The following SOX6 variants were observed in gnomAD, a reference collection of about 807,000 sequenced individuals.
SOX6 encodes transcription factor SOX-6.
Under a neutral mutation model 97.8 loss-of-function variants are expected in SOX6, and 11 were observed. The ratio of observed to expected loss-of-function variants is 0.11; its 90% confidence interval spans 0.07 to 0.19. The LOEUF (loss-of-function observed/expected upper bound fraction) is 0.19. Ranked by LOEUF, SOX6 falls within the 10% of genes least tolerant of loss-of-function variation. The pLI, the probability that SOX6 is intolerant of heterozygous loss-of-function variation, is 1.00. For missense variants in SOX6, 810 were observed against 1,039.5 expected, an observed-to-expected ratio of 0.78 and a Z score of 3.04; for synonymous variants, 360 against 371.4, an observed-to-expected ratio of 0.97 and a Z score of 0.35.
chr11:16,120,614 G>A (rs1458656110), intron 6 of SOX6, among the ~76,000 whole-genome samples: 4 of 150,570 alleles, frequency 2.7e-5, no homozygotes, highest in African/African-American at 9.8e-5. Flanking sequence ...ATACTTCAAT[G>A]AAAAGTTGGT....
At chr11:16,536,401 T>A (rs1162849548) in intron 4 of SOX6, among the ~76,000 whole-genome samples, 1 of 152,036 alleles carries the variant, frequency 6.6e-6, no homozygotes, top group African/African-American at 2.4e-5. Flanking sequence ...AGAAGATGGG[T>A]GATTTCTGCA....
At chr11:16,203,003 G>A (rs1851979751) in intron 4 of SOX6, among the ~76,000 whole-genome samples, 1 of 152,118 alleles carries the variant, frequency 6.6e-6, no homozygotes, top group Non-Finnish European at 1.5e-5. Flanking sequence ...GAATCTCTGA[G>A]TAAAGTTGTA....
chr11:16,308,566 G>C (rs1175893263), intron 3 of SOX6, among the ~76,000 whole-genome samples: 1 of 152,082 alleles, frequency 6.6e-6, no homozygotes, highest in African/African-American at 2.4e-5. Context: ...AGCTAATGTC[G>C]ACTGTTTGGC....
chr11:16,689,213 T>C (rs1399211246), intron 3 of SOX6, among the ~76,000 whole-genome samples: 1 of 152,186 alleles, frequency 6.6e-6, no homozygotes, highest in Non-Finnish European at 1.5e-5. Context: ...GGGGTACCCT[T>C]TGCAGATCTC....
chr11:16,665,713 T>C (rs918301555), intron 3 of SOX6, among the ~76,000 whole-genome samples: 2 of 152,128 alleles, frequency 1.3e-5, no homozygotes, highest in Admixed American at 1.3e-4. Context: ...AGGCAGGCAG[T>C]GGTTGCTGCA....
intron 4 of SOX6, among the ~76,000 whole-genome samples, chr11:16,191,108 G>GCTC (rs1851618012): frequency 6.6e-6 from 1 of 152,156 alleles, no homozygotes; most frequent in Non-Finnish European, 1.5e-5. Context: ...GTTAAGTTTT[G>GCTC]TTAAGGATGG....
intron 3 of SOX6, among the ~76,000 whole-genome samples, chr11:16,242,572 C>G (rs1853226227): frequency 6.6e-6 from 1 of 151,180 alleles, no homozygotes; most frequent in African/African-American, 2.4e-5. Context: ...TAAATTAGGA[C>G]TTTCTCAACA....
At chr11:16,188,041 T>C (rs954627921) in intron 4 of SOX6, among the ~76,000 whole-genome samples, 2 of 152,082 alleles carry the variant, frequency 1.3e-5, no homozygotes, top group African/African-American at 4.8e-5. Flanking sequence ...GAAAGCACCA[T>C]TACAATCCCA....
At chr11:16,107,131 A>G (rs974127328) in intron 7 of SOX6, among the ~76,000 whole-genome samples, 1 of 152,028 alleles carries the variant, frequency 6.6e-6, no homozygotes, top group Non-Finnish European at 1.5e-5. Context: ...ACCCTCTTAC[A>G]TTTCTCGTGG....
chr11:16,638,519 GT>G (rs952540076), intron 3 of SOX6, among the ~76,000 whole-genome samples: 2 of 152,172 alleles, frequency 1.3e-5, no homozygotes, highest in African/African-American at 4.8e-5. Flanking sequence ...GATTGAGCTA[GT>G]TTACAGTCCC....
intron 9 of SOX6, among the ~76,000 whole-genome samples, chr11:16,083,288 A>G (rs1055258076): frequency 1.3e-5 from 2 of 152,208 alleles, no homozygotes; most frequent in Non-Finnish European, 2.9e-5. Flanking sequence ...CATACTACAG[A>G]GTAGGCACTT....
intron 3 of SOX6, among the ~76,000 whole-genome samples, chr11:16,278,496 C>T (rs1249849073): frequency 6.6e-6 from 1 of 152,208 alleles, no homozygotes; most frequent in East Asian, 1.9e-4. Flanking sequence ...TTACTCAGAG[C>T]TCATAGCGTA....
intron 1 of SOX6, among the ~76,000 whole-genome samples, chr11:16,343,402 A>G (rs1856692358): frequency 6.6e-6 from 1 of 151,956 alleles, no homozygotes; most frequent in East Asian, 1.9e-4. Context: ...GCTCCTTCCA[A>G]TAGCAATGTC....
chr11:15,996,889 G>C (rs1854242604), intron 13 of SOX6, among the ~76,000 whole-genome samples: 1 of 152,120 alleles, frequency 6.6e-6, no homozygotes. Context: ...TGGATGAAGA[G>C]TAAGAATCAA....
intron 4 of SOX6, chr11:16,576,714 T>C (rs1389695187): frequency 3.9e-5 from 6 of 152,196 alleles, no homozygotes; most frequent in African/African-American, 1.4e-4. Context: ...AGAATAAATA[T>C]AGTTCACGTC....
chr11:16,182,349 CAG>C (rs1278976543), intron 6 of SOX6, among the ~76,000 whole-genome samples: 1 of 151,728 alleles, frequency 6.6e-6, no homozygotes, highest in Non-Finnish European at 1.5e-5. Context: ...ATAGGAGAAA[CAG>C]AGAGAACTAA....
chr11:16,504,304 C>G (rs114310925), intron 4 of SOX6, among the ~76,000 whole-genome samples: 1 of 151,962 alleles, frequency 6.6e-6, no homozygotes, highest in African/African-American at 2.4e-5. Context: ...GTCAAATTGT[C>G]CCTCTTTGCA....
At chr11:16,151,380 G>C (rs1366275247) in intron 6 of SOX6, among the ~76,000 whole-genome samples, 1 of 152,046 alleles carries the variant, frequency 6.6e-6, no homozygotes, top group South Asian at 2.1e-4. Flanking sequence ...GTAATACTTT[G>C]AATTCACTAT....
intron 4 of SOX6, among the ~76,000 whole-genome samples, chr11:16,494,523 A>G (rs1860563273): frequency 6.6e-6 from 1 of 152,218 alleles, no homozygotes; most frequent in Non-Finnish European, 1.5e-5. Flanking sequence ...GTGTTAAGGA[A>G]AAACAAACAA....
Sources: gnomAD v4.1 joint callset for allele counts (sites outside exome capture counted in the v4.1 genomes callset) on GRCh38, gnomAD v4.1.1 for gene constraint, MANE v1.5 for transcripts, NCBI Gene and HGNC (gene_info 2026-07-23, HGNC 2026-07-21) for gene names.